MYCBP2: variants seen among roughly 807,000 people sequenced by gnomAD.
MYCBP2 encodes the protein MYC binding protein 2, also known as E3 ubiquitin-protein ligase MYCBP2.
Under a neutral mutation model 525.3 loss-of-function variants are expected in MYCBP2, and 120 were observed. The observed-to-expected ratio is 0.23, with a 90% CI of 0.20 to 0.27. The LOEUF is 0.27. Among genes scored for constraint, MYCBP2 ranks in the 10% least tolerant of loss-of-function variants. MYCBP2 has a pLI of 1.00. For missense variants in MYCBP2, 4,149 were observed against 5,657.1 expected (o/e 0.73, Z 8.55); for synonymous variants, 1,894 against 1,955.8 (o/e 0.97, Z 0.83).
At chr13:77,204,694 T>C (rs2063091256) in intron 26 of MYCBP2, among the ~76,000 whole-genome samples, 1 of 128,772 alleles carries the variant, frequency 7.8e-6, no homozygotes, top group Admixed American at 8.2e-5. Context: ...GTGGCACATA[T>C]ACACCATGGA....
intron 2 of MYCBP2, 126 bp downstream of exon 2, chr13:77,296,473 G>A (rs1322436720): frequency 3.0e-6 from 3 of 993,570 alleles, no homozygotes; most frequent in African/African-American, 1.7e-5. Flanking sequence ...AATCATAAAG[G>A]GCTTTTACAA....
At chr13:77,307,298 C>T (rs2079563941) in intron 1 of MYCBP2, among the ~76,000 whole-genome samples, 1 of 152,034 alleles carries the variant, frequency 6.6e-6, no homozygotes, top group African/African-American at 2.4e-5. Flanking sequence ...CTTTGTTTAC[C>T]CTTTATGCTT....
chr13:77,301,419 T>G (rs1238796223), intron 1 of MYCBP2, among the ~76,000 whole-genome samples: 1 of 70,164 alleles, frequency 1.4e-5, no homozygotes, highest in Admixed American at 2.2e-4. Context: ...CAAGACTCCA[T>G]CTCAAAAAAA....
chr13:77,316,043 T>C (rs1393417638), intron 1 of MYCBP2, among the ~76,000 whole-genome samples: 3 of 152,008 alleles, frequency 2.0e-5, no homozygotes, highest in African/African-American at 7.2e-5. Flanking sequence ...TAAGATTAAT[T>C]TGTAGTTGTT....
At chr13:77,206,890 A>C in intron 23 of MYCBP2, 65 bp from the exon 24 acceptor site, 1 of 1,327,070 alleles carries the variant, frequency 7.5e-7, no homozygotes, top group Non-Finnish European at 1.0e-6. Context: ...AATTCCTAAA[A>C]CATAACTGAT....
At chr13:77,177,455 C>T (rs1720443262) in intron 35 of MYCBP2, among the ~76,000 whole-genome samples, 2 of 151,524 alleles carry the variant, frequency 1.3e-5, no homozygotes, top group African/African-American at 4.9e-5. Context: ...GATCCTCCCA[C>T]CCCAGCCTCC....
intron 3 of MYCBP2, among the ~76,000 whole-genome samples, chr13:77,283,360 T>G (rs1024618774): frequency 2.0e-5 from 3 of 152,258 alleles, no homozygotes; most frequent in Admixed American, 6.5e-5. Flanking sequence ...TATCAATCCT[T>G]AAGGCACTAG....
intron 62 of MYCBP2, 80 bp downstream of exon 62, chr13:77,087,404 A>T: frequency 3.3e-6 from 4 of 1,195,134 alleles, no homozygotes; most frequent in Non-Finnish European, 4.8e-6. Context: ...GAATGATTTC[A>T]TGCAAATTAT....
chr13:77,064,576 C>T (rs773807432), intron 73 of MYCBP2, 39 bp downstream of exon 73: 2 of 1,551,822 alleles, frequency 1.3e-6, no homozygotes, highest in South Asian at 1.2e-5. Context: ...CAATGATACA[C>T]ACCAAATTTA....
At chr13:77,148,815 A>G (rs1301085361) in intron 47 of MYCBP2, among the ~76,000 whole-genome samples, 1 of 152,122 alleles carries the variant, frequency 6.6e-6, no homozygotes, top group Non-Finnish European at 1.5e-5. Context: ...CCTAAGATTC[A>G]TCACTTCCAT....
At chr13:77,325,343 T>G (rs1333339618) in intron 1 of MYCBP2, among the ~76,000 whole-genome samples, 1 of 152,200 alleles carries the variant, frequency 6.6e-6, no homozygotes, top group Admixed American at 6.5e-5. Context: ...CCCCATGTAC[T>G]GCAAGAAGCT....
intron 17 of MYCBP2, among the ~76,000 whole-genome samples, chr13:77,237,418 G>A (rs549762467): frequency 6.6e-6 from 1 of 152,052 alleles, no homozygotes; most frequent in East Asian, 1.9e-4. Flanking sequence ...TACTTTGAGG[G>A]GGGGATGGAA....
chr13:77,268,001 ATACAGCTCCATAT>A, intron 7 of MYCBP2, 64 bp from the exon 8 acceptor site: 1 of 956,456 alleles, frequency 1.0e-6, no homozygotes, highest in Admixed American at 1.9e-5. Context: ...AACAGCAGCC[ATACAGCTCCATAT>A]TACAGGTTTT....
chr13:77,224,599 TA>T, intron 19 of MYCBP2, 67 bp from the exon 20 acceptor site: 1 of 952,594 alleles, frequency 1.0e-6, no homozygotes, highest in East Asian at 2.5e-5. Flanking sequence ...ACAACTATAC[TA>T]AAAGCAGTGT....
chr13:77,165,709 C>T (rs557267370), intron 41 of MYCBP2, among the ~76,000 whole-genome samples: 2 of 152,034 alleles, frequency 1.3e-5, no homozygotes, highest in Non-Finnish European at 2.9e-5. Flanking sequence ...CTGAGGTTAG[C>T]CTTTTTATTT....
At chr13:77,310,770 G>A (rs1388197374) in intron 1 of MYCBP2, among the ~76,000 whole-genome samples, 3 of 125,398 alleles carry the variant, frequency 2.4e-5, no homozygotes, top group Admixed American at 9.1e-5. Flanking sequence ...AGACACAGAC[G>A]TGTGTGCGTG....
chr13:77,058,517 T>C lies in MYCBP2; in HGVS notation c.13141-111A>G. On this transcript the variant is annotated intron_variant, in intron 77 of 82. Coordinates refer to ENST00000544440, the MANE Select transcript of MYCBP2 (RefSeq NM_015057.5). This position sits in a 1 kb window ranked among gnomAD's most constrained non-coding sequence, Gnocchi z 4.1. ...ATTACTTTCCCACAGGAAGTATCTA[T>C]GCAGGCCAAGTAACAACAAAGTAAA... 2 of 852,072 alleles carry C rather than the reference T, an allele frequency of 2.3e-6. No homozygotes were observed. Among genetic ancestry groups the C allele is most frequent in the Non-Finnish European group, 3.4e-6 (2 of 588,380 alleles). 52.8% of individuals were successfully genotyped at this position (852,072 alleles called of 1,614,324 possible).
chr13:77,107,077 A>G (rs891057417), intron 55 of MYCBP2, among the ~76,000 whole-genome samples: 2 of 152,164 alleles, frequency 1.3e-5, no homozygotes, highest in South Asian at 4.1e-4. Context: ...GTCACAAACA[A>G]TAAGATTTTG....
chr13:77,263,606 A>G (rs202007141), intron 10 of MYCBP2, 45 bp downstream of exon 10: 15 of 1,540,236 alleles, frequency 9.7e-6, no homozygotes, highest in Admixed American at 1.8e-5. Context: ...AGTATGAAAA[A>G]TTGAAAATTA....
Sources: gnomAD v4.1 joint callset for allele counts (sites outside exome capture counted in the v4.1 genomes callset) on GRCh38, gnomAD v4.1.1 for gene constraint, Gnocchi (gnomAD v3.1) non-coding constraint, MANE v1.5 for transcripts, NCBI Gene and HGNC (gene_info 2026-07-23, HGNC 2026-07-21) for gene names.